Variants in CAMK1D observed in about 807,000 individuals in gnomAD.
CAMK1D encodes the protein calcium/calmodulin dependent protein kinase ID, also known as calcium/calmodulin-dependent protein kinase type 1D.
Under a neutral mutation model 47.7 loss-of-function variants are expected in CAMK1D, and 9 were observed. The ratio of observed to expected loss-of-function variants is 0.19; its 90% CI spans 0.11 to 0.33. The LOEUF (loss-of-function observed/expected upper bound fraction) is 0.33. Among genes scored for constraint, CAMK1D ranks in the 10% least tolerant of loss-of-function variants. The probability of loss-of-function intolerance (pLI) is 1.00; values close to 1 mark genes in which losing one functional copy is unlikely to be tolerated. For synonymous variants in CAMK1D, 184 were observed against 184.9 expected, an observed-to-expected ratio of 0.99 and a Z score of 0.04; for missense variants, 291 against 488.7, an observed-to-expected ratio of 0.60 and a Z score of 3.81.
intron 1 of CAMK1D, among the ~76,000 whole-genome samples, chr10:12,438,619 T>C (rs1588485891): frequency 6.6e-6 from 1 of 152,334 alleles, no homozygotes; most frequent in South Asian, 2.1e-4. Context: ...TGAAAGATTT[T>C]AATGAAGTTT....
At chr10:12,542,161 G>A (rs1836217339) in intron 1 of CAMK1D, among the ~76,000 whole-genome samples, 1 of 152,156 alleles carries the variant, frequency 6.6e-6, no homozygotes, top group African/African-American at 2.4e-5. Flanking sequence ...TTACAGGCAT[G>A]AGCCATGGAA....
intron 1 of CAMK1D, among the ~76,000 whole-genome samples, chr10:12,465,318 G>A (rs1833558525): frequency 6.6e-6 from 1 of 152,080 alleles, no homozygotes; most frequent in African/African-American, 2.4e-5. Flanking sequence ...TACTTTGGTT[G>A]TTAATTCTTA....
intron 1 of CAMK1D, among the ~76,000 whole-genome samples, chr10:12,430,628 C>G (rs10906148): frequency 0.72 from 109,607 of 152,130 alleles, 40,447 homozygotes; most frequent in Non-Finnish European, 0.81. Context: ...AACGACCACA[C>G]GCTTCCTTAG....
At chr10:12,557,318 G>A (rs745977684) in intron 2 of CAMK1D, among the ~76,000 whole-genome samples, 2 of 152,082 alleles carry the variant, frequency 1.3e-5, no homozygotes, top group Non-Finnish European at 2.9e-5. Flanking sequence ...GGGAGGCTGA[G>A]GCAGGTGGAT....
At chr10:12,488,809 C>G (rs1190111479) in intron 1 of CAMK1D, among the ~76,000 whole-genome samples, 1 of 152,152 alleles carries the variant, frequency 6.6e-6, no homozygotes, top group Non-Finnish European at 1.5e-5. Context: ...CCGTGAGAAT[C>G]TAATGGCGCC....
chr10:12,650,169 T>C (rs1039890239), intron 2 of CAMK1D, among the ~76,000 whole-genome samples: 2 of 152,238 alleles, frequency 1.3e-5, no homozygotes, highest in African/African-American at 4.8e-5. Context: ...TTGGCTGTAG[T>C]GCCCTCATGC....
intron 1 of CAMK1D, among the ~76,000 whole-genome samples, chr10:12,465,339 G>A (rs1377016049): frequency 1.3e-5 from 2 of 151,994 alleles, no homozygotes; most frequent in Non-Finnish European, 2.9e-5. Flanking sequence ...TTTCTATTGA[G>A]CCAATCTTTT....
chr10:12,524,163 C>T (rs181712595), intron 1 of CAMK1D, among the ~76,000 whole-genome samples: 5 of 151,754 alleles, frequency 3.3e-5, no homozygotes, highest in African/African-American at 1.2e-4. Flanking sequence ...GACAGGGTTT[C>T]ACGTTGTTAG....
At chr10:12,673,163 G>T (rs923490625) in intron 3 of CAMK1D, among the ~76,000 whole-genome samples, 1 of 152,074 alleles carries the variant, frequency 6.6e-6, no homozygotes, top group African/African-American at 2.4e-5. Flanking sequence ...AAGATTATAG[G>T]TGTGAGCCAC....
In CAMK1D at chr10:12,782,779, T is replaced by C. The variant is rs138725917; in HGVS notation, c.566-8379T>C. 2.5e-3 allele frequency among the ~76,000 whole-genome samples: 381 copies of C among 152,266 alleles called. 1 individual carries two copies. Among genetic ancestry groups the C allele is most frequent in the Middle Eastern group, 6.8e-3 (2 of 294 alleles). On this transcript the variant is annotated intron_variant, in intron 5 of 10. Coordinates refer to ENST00000619168, the MANE Select transcript of CAMK1D (RefSeq NM_153498.4). ...AGAGGCCATGTGCAACTCTTCCAAA[T>C]TGAGCTCCAGTTCTTTTCCTTGCAG...
At chr10:12,749,550 TTTTGTTTG>T (rs200753252) in intron 3 of CAMK1D, among the ~76,000 whole-genome samples, 2,548 of 135,622 alleles carry the variant, frequency 0.019, 60 homozygotes, top group Middle Eastern at 0.064. Flanking sequence ...TTTGTTTGTT[TTTTGTTTG>T]TTTGTTTGTT....
At chr10:12,636,487 C>G (rs534688378) in intron 2 of CAMK1D, among the ~76,000 whole-genome samples, 3 of 152,220 alleles carry the variant, frequency 2.0e-5, no homozygotes, top group African/African-American at 7.2e-5. Context: ...GCCACCACAC[C>G]AGGCTATTTT....
At chr10:12,465,354 T>G (rs1833559586) in intron 1 of CAMK1D, among the ~76,000 whole-genome samples, 1 of 152,166 alleles carries the variant, frequency 6.6e-6, no homozygotes, top group African/African-American at 2.4e-5. Flanking sequence ...TCTTTTATTT[T>G]TATTTTATTT....
rs111412324 is a variant in CAMK1D at position 12,383,261 on chromosome 10, A to T, written c.92+33351A>T. Among the ~76,000 whole-genome samples the T allele has an allele frequency of 4.5e-3, 665 of 148,022 alleles. 3 individuals carry two copies. The highest frequency in any genetic ancestry group is 0.016 in the African/African-American group (641 of 40,608). ...AATAAAATTAGAATAGATCTTTCCAATTTTTTTTTTTGTTGTTGTTACTGT... is the reference window on the plus strand; with the variant it reads ...AATAAAATTAGAATAGATCTTTCCATTTTTTTTTTTTGTTGTTGTTACTGT... On this transcript the variant is annotated intron_variant, in intron 1 of 10. Transcript: ENST00000619168.
chr10:12,616,774 C>A (rs556052194), intron 2 of CAMK1D, among the ~76,000 whole-genome samples: 2 of 152,278 alleles, frequency 1.3e-5, no homozygotes, highest in African/African-American at 2.4e-5. Flanking sequence ...GCCTCGGCCT[C>A]CCAAAGTGCT....
intron 5 of CAMK1D, among the ~76,000 whole-genome samples, chr10:12,770,708 G>A (rs1481366241): frequency 6.6e-6 from 1 of 152,138 alleles, no homozygotes; most frequent in Non-Finnish European, 1.5e-5. Context: ...GGACTGGGCT[G>A]AGAGGACAGG....
chr10:12,494,668 G>T (rs552908645), intron 1 of CAMK1D, among the ~76,000 whole-genome samples: 1 of 152,216 alleles, frequency 6.6e-6, no homozygotes, highest in African/African-American at 2.4e-5. Flanking sequence ...GGGTTCAAGC[G>T]ATTCTCCTGC....
intron 1 of CAMK1D, among the ~76,000 whole-genome samples, chr10:12,385,160 T>C (rs1588427933): frequency 6.6e-6 from 1 of 152,196 alleles, no homozygotes; most frequent in Non-Finnish European, 1.5e-5. Context: ...GGTGTGGATG[T>C]AAAATGGTGA....
At chr10:12,739,449 T>C (rs1288005728) in intron 3 of CAMK1D, among the ~76,000 whole-genome samples, 2 of 148,308 alleles carry the variant, frequency 1.3e-5, no homozygotes, top group African/African-American at 5.2e-5. Context: ...CTAATTTTTT[T>C]TTTTTTTTTT....
Sources: gnomAD v4.1 joint callset for allele counts (sites outside exome capture counted in the v4.1 genomes callset) on GRCh38, gnomAD v4.1.1 for gene constraint, MANE v1.5 for transcripts, NCBI Gene and HGNC (gene_info 2026-07-23, HGNC 2026-07-21) for gene names.